MYOC: variants seen among roughly 807,000 people sequenced by gnomAD.
MYOC encodes juvenile-onset open-angle glaucoma 1.
MYOC carries 29 observed loss-of-function variants against 28.2 expected under a neutral mutation model. That is an observed-to-expected ratio of 1.03 (90% CI 0.77 to 1.40). The LOEUF (loss-of-function observed/expected upper bound fraction) is 1.40, where lower values mean the gene tolerates loss of function less well. MYOC is among the 40% of genes most tolerant of loss of function. MYOC has a pLI of 0.00. For synonymous variants in MYOC, 240 were observed against 245.6 expected, an observed-to-expected ratio of 0.98 and a Z score of 0.21; for missense variants, 569 against 620.6, an observed-to-expected ratio of 0.92 and a Z score of 0.88.
intron 1 of MYOC, among the ~76,000 whole-genome samples, chr1:171,639,943 C>CGAG (rs1653032462): frequency 5.2e-5 from 1 of 19,322 alleles, no homozygotes; most frequent in Non-Finnish European, 8.9e-5. Context: ...GACTCTGTCT[C>CGAG]AAGAAAAAAA....
chr1:171,641,600 C>T (rs235868), intron 1 of MYOC, among the ~76,000 whole-genome samples: 115,285 of 152,080 alleles, frequency 0.76, 44,099 homozygotes, highest in African/African-American at 0.86. Context: ...CTTTGCTAAC[C>T]GTAGGAACTG....
rs368373229 is a variant in MYOC at position 171,652,062 on chromosome 1, G to T, written c.550C>A (p.Gln184Lys). 1 of 1,614,188 alleles carries T rather than the reference G, an allele frequency of 6.2e-7. No individual in the cohort carries two copies. The highest frequency in any genetic ancestry group is 8.5e-7 in the Non-Finnish European group (1 of 1,180,038). The change falls in exon 1 of 3, where the codon CAG becomes AAG. Residue 184 changes from glutamine to lysine, a missense_variant. Coordinates refer to ENST00000037502, the MANE Select transcript of MYOC (RefSeq NM_000261.2). ...SQEVARLRRG[Q>K]CPQTRDTARA... ...GCAGTGTCTCGGGTCTGGGGACACT[G>T]GCCCCTTCTCAGCCTTGCTACCTCC...
chr1:171,637,239 C>T (rs1652945567), intron 2 of MYOC, among the ~76,000 whole-genome samples: 1 of 152,120 alleles, frequency 6.6e-6, no homozygotes, highest in South Asian at 2.1e-4. Context: ...GACTTTCATG[C>T]CTGGTTTATT....
At chr1:171,648,407 C>G (rs1273582576) in intron 1 of MYOC, among the ~76,000 whole-genome samples, 1 of 151,968 alleles carries the variant, frequency 6.6e-6, no homozygotes, top group Admixed American at 6.6e-5. Flanking sequence ...AGAAGGCCCC[C>G]ATTTTGTGGC....
intron 1 of MYOC, among the ~76,000 whole-genome samples, chr1:171,648,885 C>G (rs1485900229): frequency 6.6e-6 from 1 of 150,706 alleles, no homozygotes; most frequent in Non-Finnish European, 1.5e-5. Context: ...CAAGTTTTCA[C>G]CACAGTGGCC....
chr1:171,636,749 C>T, intron 2 of MYOC, 40 bp from the exon 3 acceptor site: 1 of 1,587,122 alleles, frequency 6.3e-7, no homozygotes, highest in Non-Finnish European at 8.6e-7. Context: ...CCACTTAATC[C>T]ATAATCTTTC....
chr1:171,646,570 C>T (rs937184568), intron 1 of MYOC, among the ~76,000 whole-genome samples: 8 of 150,014 alleles, frequency 5.3e-5, no homozygotes, highest in East Asian at 2.0e-4. Flanking sequence ...GATCTCAGCT[C>T]ATTGCAACCT....
At chr1:171,650,163 GA>G (rs911489614) in intron 1 of MYOC, among the ~76,000 whole-genome samples, 8 of 149,584 alleles carry the variant, frequency 5.3e-5, no homozygotes, top group African/African-American at 1.5e-4. Flanking sequence ...GACCACAAAA[GA>G]AAAAAAAAGG....
rs1466413789 is a variant in MYOC at position 171,652,336 on chromosome 1, G to A, written c.276C>T (p.Leu92=). The A allele has an allele frequency of 6.2e-7, 1 of 1,610,308 alleles. No homozygotes were observed. The highest frequency in any genetic ancestry group is 1.7e-5 in the Admixed American group (1 of 59,852). ...GGTGGAGGAGGCTCTCCAGGGAGCT[G>A]AGTCGAGCTTTGGTGGCCTCCAGGT... is the stretch of plus-strand genomic sequence containing the variant. The part of the protein sequence containing the change: ...RLDLEATKAR[L]SSLESLLHQL... The change falls in exon 1 of 3, where the codon CTC becomes CTT. Residue 92 remains leucine, a synonymous_variant. Coordinates refer to ENST00000037502, the MANE Select transcript of MYOC (RefSeq NM_000261.2).
chr1:171,646,870 C>G (rs1359068820), intron 1 of MYOC, among the ~76,000 whole-genome samples: 1 of 152,160 alleles, frequency 6.6e-6, no homozygotes, highest in Non-Finnish European at 1.5e-5. Flanking sequence ...TTACAAAATT[C>G]TGGAAATGTT....
chr1:171,650,572 G>C (rs1653330189), intron 1 of MYOC, among the ~76,000 whole-genome samples: 1 of 152,090 alleles, frequency 6.6e-6, no homozygotes, highest in Non-Finnish European at 1.5e-5. Context: ...AGATGCAGAG[G>C]GTTCAATAAC....
Position 171,636,217 on chromosome 1 carries a change from G to A in MYOC, c.1223C>T (p.Pro408Leu). ...KGAIVLSKLNPENLELEQTWE... is the reference protein window; with the variant it reads ...KGAIVLSKLNLENLELEQTWE... ...GGTTTGTTCGAGTTCCAGATTCTCT[G>A]GGTTCAGTTTGGAGAGGACAATGGC... Residue 408 changes from proline to leucine, a missense_variant, in exon 3 of 3, where the codon CCA becomes CTA. Transcript: ENST00000037502. The A allele has an allele frequency of 1.2e-6, 2 of 1,614,144 alleles. No homozygotes were observed. Among genetic ancestry groups the A allele is most frequent in the Non-Finnish European group, 1.7e-6 (2 of 1,180,020 alleles).
At position 171,644,480 on chromosome 1, in the gene MYOC, A is replaced by G. The variant is rs1257843348; in HGVS notation, c.605-5758T>C. 3.3e-5 allele frequency among the ~76,000 whole-genome samples: 5 copies of G among 152,204 alleles called. No homozygotes were observed. In the East Asian group the frequency reaches 9.6e-4, roughly 29 times the overall value. ...AAATGCCCCTTTTGCTATAGAGGGA[A>G]GGAAGAAAGTGAAACCCAAAAAAGT... On this transcript the variant is annotated intron_variant, in intron 1 of 2. Transcript: ENST00000037502.
At chr1:171,648,494 C>T (rs1185145689) in intron 1 of MYOC, among the ~76,000 whole-genome samples, 1 of 152,076 alleles carries the variant, frequency 6.6e-6, no homozygotes, top group Non-Finnish European at 1.5e-5. Context: ...AAACCAACTG[C>T]ACACAAGCCC....
chr1:171,635,810 T>G lies in MYOC; in HGVS notation c.*115A>C, dbSNP rs1652903774. The G allele has an allele frequency of 9.4e-7, 1 of 1,064,780 alleles. No homozygotes were observed. Among genetic ancestry groups the G allele is most frequent in the African/African-American group, 1.6e-5 (1 of 63,482 alleles). The allele number at this position is 1,064,780 out of a possible 1,614,324, so 66.0% of individuals were successfully genotyped here. Reference sequence around the variant, plus strand: ...TTCATCCTTCTGGATTAATGAAAACTTGGAAAGCAGTCAAAGCTGCCTGGG... The same window carrying G: ...TTCATCCTTCTGGATTAATGAAAACGTGGAAAGCAGTCAAAGCTGCCTGGG... On this transcript the variant is annotated 3_prime_UTR_variant, in exon 3 of 3. Transcript: ENST00000037502.
At position 171,652,399 on chromosome 1, in the gene MYOC, G is replaced by T. The variant is rs1278512443; in HGVS notation, c.213C>A (p.Ile71=). 4 of 1,613,792 alleles carry T rather than the reference G, an allele frequency of 2.5e-6. No homozygotes were observed. The highest frequency in any genetic ancestry group is 3.4e-6 in the Non-Finnish European group (4 of 1,179,806). Residue 71 remains isoleucine (I), a synonymous_variant, in exon 1 of 3, where the codon ATC becomes ATA. Transcript: ENST00000037502. ...TGCTGCTGTCTCTCTGTAAGTTATG[G>T]ATGACTGACATGGCCTGGCTCTGCT... ...CPEQSQAMSV[I]HNLQRDSSTQ...
intron 1 of MYOC, among the ~76,000 whole-genome samples, chr1:171,641,391 C>T (rs1653074743): frequency 6.6e-6 from 1 of 151,960 alleles, no homozygotes; most frequent in Admixed American, 6.6e-5. Flanking sequence ...GCAGGGTAAG[C>T]AGGTTTAGGA....
chr1:171,638,771 A>T (rs1404580990), intron 1 of MYOC, 49 bp from the exon 2 acceptor site: 2 of 1,604,708 alleles, frequency 1.2e-6, no homozygotes, highest in African/African-American at 2.7e-5. Flanking sequence ...AAAATGGCCC[A>T]AGGATTGACT....
At chr1:171,640,963 C>T (rs1384827894) in intron 1 of MYOC, among the ~76,000 whole-genome samples, 2 of 152,044 alleles carry the variant, frequency 1.3e-5, no homozygotes, top group African/African-American at 2.4e-5. Flanking sequence ...GTGTATGATA[C>T]TATAATGGTG....
Sources: allele counts gnomAD v4.1 joint callset (sites outside exome capture counted in the v4.1 genomes callset), GRCh38; gene constraint gnomAD v4.1.1; transcripts MANE v1.5; gene names NCBI Gene and HGNC (gene_info 2026-07-23, HGNC 2026-07-21).